Variants in FSD1L observed in about 807,000 individuals in gnomAD.
FSD1L encodes FSD1-like protein.
In FSD1L, 45 loss-of-function variants were observed where a neutral mutation model predicts 71.6. The ratio of observed to expected loss-of-function variants is 0.63; its 90% CI spans 0.49 to 0.81. FSD1L has a LOEUF of 0.81. Among genes scored for constraint, FSD1L ranks in the 30% least tolerant of loss-of-function variants. The pLI is 0.00. For missense variants in FSD1L, 561 were observed against 618.1 expected, an observed-to-expected ratio of 0.91 and a Z score of 0.98; for synonymous variants, 197 against 207.2, an observed-to-expected ratio of 0.95 and a Z score of 0.42.
At chr9:105,472,957 T>C (rs1188198372) in intron 5 of FSD1L, 2 of 152,212 alleles carry the variant, frequency 1.3e-5, no homozygotes, top group Non-Finnish European at 2.9e-5. Flanking sequence ...TAGGTGGACT[T>C]ATTATATAAA....
In FSD1L at chr9:105,551,071, T is replaced by C. The variant is rs1265983789; in HGVS notation, c.*4588T>C. 1 of 152,124 alleles carries C rather than the reference T, an allele frequency of 6.6e-6. No individual in the cohort carries two copies. Among genetic ancestry groups the C allele is most frequent in the African/African-American group, 2.4e-5 (1 of 41,450 alleles). The allele number at this position is 152,124 out of a possible 1,614,324, so 9.4% of individuals were successfully genotyped here. A position where few individuals can be genotyped will look rare whatever the true frequency, so the allele number is the denominator to read the frequency against. ...CACATTTTTGTTAGTATTGGAACTT[T>C]CTGGAGAACATAAGGGCTATGAGAA... On this transcript the variant is annotated 3_prime_UTR_variant, in exon 14 of 14. Transcript: ENST00000481272.
chr9:105,468,077 A>G (rs1045078353), intron 3 of FSD1L, 116 bp from the exon 4 acceptor site: 4 of 707,112 alleles, frequency 5.7e-6, no homozygotes, highest in African/African-American at 1.9e-5. Flanking sequence ...TGTTATTTTT[A>G]TATTAGGCCA....
chr9:105,520,404 T>C, intron 10 of FSD1L: 4 of 1,110,926 alleles, frequency 3.6e-6, no homozygotes, highest in Non-Finnish European at 5.4e-6. Context: ...TTCGACAACA[T>C]TTTTTACATA....
rs1836461870 is a variant in FSD1L, at chr9:105,539,343, G to T, written c.1459G>T (p.Gly487Cys). 2.1e-6 allele frequency: 3 copies of T among 1,428,172 alleles called. No homozygotes were observed. In the South Asian group the frequency reaches 3.9e-5, roughly 19 times the overall value. The allele number at this position is 1,428,172 out of a possible 1,614,324, so 88.5% of individuals were successfully genotyped here. ...KTKFTQPVLP[G>C]FMVWCGGLSL... ...AAAATTTACTCAGCCAGTACTACCT[G>T]GTTTCATGGTTAGTATGTTTTATAT... is the stretch of plus-strand genomic sequence containing the variant. Residue 487 changes from glycine to cysteine, a missense_variant, in exon 13 of 14, where the codon GGT becomes TGT. Transcript: ENST00000481272.
At position 105,535,271 on chromosome 9, in the gene FSD1L, A is replaced by T; in HGVS notation, c.1331A>T (p.Asp444Val). The change falls in exon 12 of 14, where the codon GAT becomes GTT. Residue 444 changes from aspartate (D) to valine (V), a missense_variant. Physicochemically the swap from Asp to Val is radical, Grantham distance 152. Coordinates refer to ENST00000481272, the MANE Select transcript of FSD1L (RefSeq NM_001145313.3). ...AKHNNKVKAL[D>V]VTVPEKIGVF... is the part of the protein sequence containing the mutation. ...CATAATAATAAAGTCAAAGCTTTGG[A>T]TGTTACTGTTCCTGAAAAAATAGGT... 1 of 1,551,658 alleles carries T rather than the reference A, an allele frequency of 6.4e-7. No individual in the cohort carries two copies. The highest frequency in any genetic ancestry group is 1.2e-5 in the South Asian group (1 of 84,054).
chr9:105,442,765 A>G, the FSD1L span, among the ~76,000 whole-genome samples: 2 of 152,166 alleles, frequency 1.3e-5, no homozygotes, highest in East Asian at 3.8e-4. Context: ...CTGCTAAGCA[A>G]ATGTCCAGCC....
chr9:105,497,517 A>AT (rs921891849), intron 7 of FSD1L, among the ~76,000 whole-genome samples: 6 of 152,306 alleles, frequency 3.9e-5, no homozygotes, highest in African/African-American at 1.2e-4. Flanking sequence ...TTGGAAAGTT[A>AT]TTAGTATCGA....
rs146171230 is a variant in FSD1L, at chr9:105,533,619, C to T, written c.1026-874C>T. The stretch of plus-strand genomic sequence containing the variant: ...TGTATTTTTAGTAGAAACGGGGTTT[C>T]ACTGTGTTGCCCAGGCTGGTCTCGA... On this transcript the variant is annotated intron_variant, in intron 10 of 13. Transcript: ENST00000481272. Among the ~76,000 whole-genome samples, 815 of 148,540 alleles carry T rather than the reference C, an allele frequency of 5.5e-3. 8 individuals carry two copies. Among genetic ancestry groups the T allele is most frequent in the African/African-American group, 0.02 (790 of 40,260 alleles).
chr9:105,523,805 C>G lies in FSD1L; in HGVS notation c.1026-10688C>G. 5 of 1,600,946 alleles carry G rather than the reference C, an allele frequency of 3.1e-6. No homozygotes were observed. The Admixed American group carries it at 6.7e-5, about 21-fold the overall frequency. On this transcript the variant is annotated intron_variant, in intron 10 of 13. Transcript: ENST00000481272. ...TGCATTGTGGATTACTTCATATTGA[C>G]CAGGATATTGTCAATACAATCATCA...
chr9:105,533,202 C>A (rs929476488), intron 10 of FSD1L, among the ~76,000 whole-genome samples: 3 of 151,874 alleles, frequency 2.0e-5, no homozygotes, highest in African/African-American at 4.8e-5. Flanking sequence ...TGCAGTAATT[C>A]AATATAATTA....
At chr9:105,513,761 C>T in intron 10 of FSD1L, 1 of 641,642 alleles carries the variant, frequency 1.6e-6, no homozygotes, top group Non-Finnish European at 2.7e-6. Context: ...TAAAATACTG[C>T]TCTGTGTAGA....
At position 105,520,277 on chromosome 9, in the gene FSD1L, G is replaced by T; in HGVS notation, c.1025+7341G>T. On this transcript the variant is annotated intron_variant, in intron 10 of 13. Coordinates refer to ENST00000481272, the MANE Select transcript of FSD1L (RefSeq NM_001145313.3). ...CTGAAGAAGATGCATTCATCCAGATGCCTGAATCCTAGTTCAGAGTTTATC... is the reference window on the plus strand; with the variant it reads ...CTGAAGAAGATGCATTCATCCAGATTCCTGAATCCTAGTTCAGAGTTTATC... 3 of 1,570,902 alleles carry T rather than the reference G, an allele frequency of 1.9e-6. No homozygotes were observed. In the East Asian group the frequency reaches 6.7e-5, roughly 35 times the overall value.
At chr9:105,489,095 A>G (rs1337956500) in intron 7 of FSD1L, among the ~76,000 whole-genome samples, 2 of 152,142 alleles carry the variant, frequency 1.3e-5, no homozygotes, top group East Asian at 1.9e-4. Context: ...TGACTATTAT[A>G]AATAGACTCT....
chr9:105,478,988 G>C (rs980540752), intron 5 of FSD1L, among the ~76,000 whole-genome samples: 6 of 152,212 alleles, frequency 3.9e-5, no homozygotes, highest in African/African-American at 1.4e-4. Flanking sequence ...CATGAAGGAA[G>C]TTGTCCCATG....
intron 7 of FSD1L, among the ~76,000 whole-genome samples, chr9:105,505,072 T>G (rs1489325183): frequency 6.6e-6 from 1 of 152,230 alleles, no homozygotes; most frequent in Non-Finnish European, 1.5e-5. Context: ...ATTTACTCTT[T>G]GTGTTAAACA....
chr9:105,541,465 C>CATGT (rs1213605462), intron 13 of FSD1L, among the ~76,000 whole-genome samples: 2 of 151,952 alleles, frequency 1.3e-5, no homozygotes, highest in Non-Finnish European at 2.9e-5. Context: ...GAATCTATCT[C>CATGT]ATGTATGTAT....
At chr9:105,467,951 G>A (rs1831185617) in intron 3 of FSD1L, among the ~76,000 whole-genome samples, 1 of 152,178 alleles carries the variant, frequency 6.6e-6, no homozygotes, top group South Asian at 2.1e-4. Flanking sequence ...GAGAGTATGG[G>A]CTAGTCCATA....
rs562223863 is a variant in FSD1L, at chr9:105,504,017, T to C, written c.587-2382T>C. 3.3e-5 allele frequency among the ~76,000 whole-genome samples: 5 copies of C among 152,324 alleles called. No homozygotes were observed. In the South Asian group the frequency reaches 1.0e-3, roughly 32 times the overall value. On this transcript the variant is annotated intron_variant, in intron 7 of 13. Coordinates refer to ENST00000481272, the MANE Select transcript of FSD1L (RefSeq NM_001145313.3). The stretch of plus-strand genomic sequence containing the variant: ...CTGAATTGAGATGTAGATAGCAGGG[T>C]GCTAACTAGTCCTACTCACCAATTA...
chr9:105,507,859 G>A (rs1834143803), intron 8 of FSD1L, among the ~76,000 whole-genome samples: 1 of 148,694 alleles, frequency 6.7e-6, no homozygotes, highest in South Asian at 2.1e-4. Flanking sequence ...ATTAAATCAT[G>A]ATTCCTCTTA....
Sources: gnomAD v4.1 joint callset for allele counts (sites outside exome capture counted in the v4.1 genomes callset) on GRCh38, gnomAD v4.1.1 for gene constraint, MANE v1.5 for transcripts, NCBI Gene and HGNC (gene_info 2026-07-23, HGNC 2026-07-21) for gene names.